HS3ST1: variants seen among roughly 807,000 people sequenced by gnomAD.
The protein encoded by HS3ST1 is heparan sulfate glucosamine 3-O-sulfotransferase 1.
HS3ST1 carries 8 observed loss-of-function variants against 20.7 expected under a neutral mutation model. The observed-to-expected ratio is 0.39, with a 90% CI of 0.23 to 0.70. The LOEUF (loss-of-function observed/expected upper bound fraction) is 0.70, where lower values mean the gene tolerates loss of function less well. Among genes scored for constraint, HS3ST1 ranks in the 30% least tolerant of loss-of-function variants. The pLI is 0.46. For missense variants in HS3ST1, 436 were observed against 423.4 expected (o/e 1.03, Z -0.26); for synonymous variants, 205 against 190.4 (o/e 1.08, Z -0.63).
At chr4:11,404,012 TC>T (rs1718398034) in intron 1 of HS3ST1, among the ~76,000 whole-genome samples, 1 of 152,216 alleles carries the variant, frequency 6.6e-6, no homozygotes, top group Non-Finnish European at 1.5e-5. Flanking sequence ...GCTTAATAGA[TC>T]TAAAGTGTTA....
intron 1 of HS3ST1, among the ~76,000 whole-genome samples, chr4:11,414,377 T>C (rs147798480): frequency 6.6e-6 from 1 of 152,252 alleles, no homozygotes; most frequent in African/African-American, 2.4e-5. Flanking sequence ...TTTCAAGACT[T>C]CCTGCTTCTC....
rs1394145935 is a variant in HS3ST1 at position 11,396,343 on chromosome 4, CA to C, written c.*2738del. ...TGGAGTGTCAAGTGTGTGAATATTC[CA>C]AATCTAATAGCTGAGGCTTGGTTCA... On this transcript the variant is annotated 3_prime_UTR_variant, in exon 2 of 2. Transcript: ENST00000002596. 1 of 152,222 alleles carries C rather than the reference CA, an allele frequency of 6.6e-6. No homozygotes were observed. Among genetic ancestry groups the C allele is most frequent in the Non-Finnish European group, 1.5e-5 (1 of 68,078 alleles). The allele number at this position is 152,222 out of a possible 1,614,324, so 9.4% of individuals were successfully genotyped here.
At position 11,398,450 on chromosome 4, in the gene HS3ST1, A is replaced by G. The variant is rs1326853219; in HGVS notation, c.*632T>C. 1 of 152,310 alleles carries G rather than the reference A, an allele frequency of 6.6e-6. No homozygotes were observed. Among genetic ancestry groups the G allele is most frequent in the Non-Finnish European group, 1.5e-5 (1 of 68,088 alleles). The allele number at this position is 152,310 out of a possible 1,614,324, so 9.4% of individuals were successfully genotyped here. ...TTCTTTGAGGTCAAGATGGATCCCAAGAGACCTCTAGCCAGTCACTAACTG... is the reference window on the plus strand; with the variant it reads ...TTCTTTGAGGTCAAGATGGATCCCAGGAGACCTCTAGCCAGTCACTAACTG... On this transcript the variant is annotated 3_prime_UTR_variant, in exon 2 of 2. Transcript: ENST00000002596.
rs921941374 is a variant in HS3ST1, at chr4:11,396,429, C to G, written c.*2653G>C. 2 of 152,262 alleles carry G rather than the reference C, an allele frequency of 1.3e-5. No homozygotes were observed. Among genetic ancestry groups the G allele is most frequent in the African/African-American group, 4.8e-5 (2 of 41,430 alleles). 9.4% of individuals were successfully genotyped at this position (152,262 alleles called of 1,614,324 possible). Reference sequence around the variant, plus strand: ...TAGATCCCCCAGGCTGCTCCCGGGCCGGGGTGGTCTGGACAGGAGACCCAC... The same window carrying G: ...TAGATCCCCCAGGCTGCTCCCGGGCGGGGGTGGTCTGGACAGGAGACCCAC... On this transcript the variant is annotated 3_prime_UTR_variant, in exon 2 of 2. Transcript: ENST00000002596.
intron 1 of HS3ST1, among the ~76,000 whole-genome samples, chr4:11,423,021 C>CAAAAA (rs71181101): frequency 0.046 from 1,587 of 34,388 alleles, 494 homozygotes; most frequent in Non-Finnish European, 0.054. Context: ...GAGACACCGT[C>CAAAAA]AAAAAAAAAA....
intron 1 of HS3ST1, among the ~76,000 whole-genome samples, chr4:11,422,993 A>C (rs1718974862): frequency 1.5e-5 from 2 of 135,328 alleles, no homozygotes; most frequent in South Asian, 5.3e-4. Flanking sequence ...ACTGCACTCC[A>C]GCCAGGGCAA....
chr4:11,413,693 A>T (rs1269502649), intron 1 of HS3ST1, among the ~76,000 whole-genome samples: 2 of 152,190 alleles, frequency 1.3e-5, no homozygotes, highest in East Asian at 3.9e-4. Flanking sequence ...AAACAAAACA[A>T]AAACAGCCAT....
upstream of HS3ST1, among the ~76,000 whole-genome samples, chr4:11,432,478 T>C (rs906328041): frequency 6.6e-6 from 1 of 152,224 alleles, no homozygotes; most frequent in African/African-American, 2.4e-5. Flanking sequence ...AAGTCAAATG[T>C]ATTTTTAAAA....
intron 1 of HS3ST1, among the ~76,000 whole-genome samples, chr4:11,415,206 G>A (rs1718742184): frequency 6.6e-6 from 1 of 152,194 alleles, no homozygotes; most frequent in Non-Finnish European, 1.5e-5. Flanking sequence ...TGTAAATAGG[G>A]AAACAGAGAA....
chr4:11,400,916 C>T (rs553763896), intron 1 of HS3ST1, among the ~76,000 whole-genome samples: 2 of 152,326 alleles, frequency 1.3e-5, no homozygotes, highest in South Asian at 2.1e-4. Context: ...TATGCCCTGG[C>T]TAGCCCATGG....
chr4:11,422,027 A>G (rs749165895), intron 1 of HS3ST1, among the ~76,000 whole-genome samples: 15 of 152,336 alleles, frequency 9.8e-5, no homozygotes, highest in South Asian at 4.1e-4. Flanking sequence ...GGAATTATCT[A>G]CTACATTCTT....
upstream of HS3ST1, among the ~76,000 whole-genome samples, chr4:11,432,507 T>G (rs1719223925): frequency 6.6e-6 from 1 of 152,256 alleles, no homozygotes; most frequent in South Asian, 2.1e-4. Flanking sequence ...TGTTGGGTAT[T>G]GTTTAATTGT....
intron 1 of HS3ST1, among the ~76,000 whole-genome samples, chr4:11,421,127 C>T (rs1473357484): frequency 6.6e-6 from 1 of 152,184 alleles, no homozygotes; most frequent in Non-Finnish European, 1.5e-5. Context: ...CAAGGAAAAA[C>T]ACATTGAGCA....
At chr4:11,414,337 G>A (rs943107411) in intron 1 of HS3ST1, among the ~76,000 whole-genome samples, 2 of 152,050 alleles carry the variant, frequency 1.3e-5, no homozygotes, top group African/African-American at 2.4e-5. Context: ...ATATACACGC[G>A]TGTGTGGTTG....
At chr4:11,416,551 C>G (rs756081483) in intron 1 of HS3ST1, among the ~76,000 whole-genome samples, 30 of 152,186 alleles carry the variant, frequency 2.0e-4, no homozygotes, top group Non-Finnish European at 3.2e-4. Flanking sequence ...ACATCTCTGT[C>G]CCTCCTCCCT....
upstream of HS3ST1, chr4:11,428,941 G>C (rs1177600389): frequency 6.5e-6 from 1 of 153,010 alleles, no homozygotes; most frequent in Non-Finnish European, 1.5e-5. Flanking sequence ...GGAGGGGGAG[G>C]AGCGGGAGGA....
chr4:11,432,191 C>G (rs1475604312), upstream of HS3ST1, among the ~76,000 whole-genome samples: 1 of 152,114 alleles, frequency 6.6e-6, no homozygotes, highest in Non-Finnish European at 1.5e-5. Flanking sequence ...AGAGAAGTTG[C>G]TTCTTTTGAA....
At chr4:11,412,976 G>A (rs906077621) in intron 1 of HS3ST1, among the ~76,000 whole-genome samples, 4 of 152,088 alleles carry the variant, frequency 2.6e-5, no homozygotes, top group Admixed American at 2.6e-4. Context: ...CCAGAAATCT[G>A]GCTTATTTTC....
chr4:11,399,045 T>TA lies in HS3ST1; in HGVS notation c.*36dup, dbSNP rs1718226097. On this transcript the variant is annotated 3_prime_UTR_variant, in exon 2 of 2. Transcript: ENST00000002596. This position sits in a 1 kb window ranked among gnomAD's most constrained non-coding sequence, Gnocchi z 5.1. ...TTCCCCTCAGATGTACACCAGAACT[T>TA]ACAGTAGGAAAGTTTCTGAGCTTAG... The TA allele has an allele frequency of 1.9e-6, 3 of 1,556,000 alleles. No homozygotes were observed. The highest frequency in any genetic ancestry group is 1.4e-5 in the African/African-American group (1 of 72,992).
Sources: allele counts gnomAD v4.1 joint callset (sites outside exome capture counted in the v4.1 genomes callset), GRCh38; gene constraint gnomAD v4.1.1; non-coding constraint Gnocchi (gnomAD v3.1); transcripts MANE v1.5; gene names NCBI Gene and HGNC (gene_info 2026-07-23, HGNC 2026-07-21).